The following RGSL1 variants were observed in gnomAD, a reference collection of about 807,000 sequenced individuals.
RGSL1 encodes the protein regulator of G protein signaling like 1.
A neutral mutation model predicts 124.7 loss-of-function variants in RGSL1; 97 were observed. The ratio of observed to expected loss-of-function variants is 0.78; its 90% CI spans 0.66 to 0.92. The LOEUF is 0.92. Among genes scored for constraint, RGSL1 ranks in the 40% least tolerant of loss-of-function variants. The probability of loss-of-function intolerance (pLI) is 0.00; values close to 1 mark genes in which losing one functional copy is unlikely to be tolerated. For synonymous variants in RGSL1, 424 were observed against 438.1 expected, an observed-to-expected ratio of 0.97 and a Z score of 0.40; for missense variants, 1,233 against 1,288.4, an observed-to-expected ratio of 0.96 and a Z score of 0.66.
chr1:182,551,141 G>T lies in RGSL1; in HGVS notation c.2975G>T (p.Arg992Met), dbSNP rs1412230922. The part of the protein sequence containing the change: ...WKATRSYLQY[R>M]GKKFKDRKSP... Reference sequence around the variant, plus strand: ...GCAACCCGCTCTTACTTACAGTATAGGGGGAAGAAGTTCAAGGACAGAAAA... The same window carrying T: ...GCAACCCGCTCTTACTTACAGTATATGGGGAAGAAGTTCAAGGACAGAAAA... Residue 992 changes from arginine (R) to methionine (M), a missense_variant, in exon 18 of 22, where the codon AGG (arginine) becomes ATG (methionine). Transcript: ENST00000294854. 8 of 1,551,612 alleles carry T rather than the reference G, an allele frequency of 5.2e-6. No individual in the cohort carries two copies. Among genetic ancestry groups the T allele is most frequent in the Non-Finnish European group, 7.0e-6 (8 of 1,147,002 alleles).
chr1:182,460,707 A>T (rs1416970967), intron 4 of RGSL1: 1 of 456,050 alleles, frequency 2.2e-6, no homozygotes, highest in Admixed American at 2.3e-5. Context: ...AAGCACTAGG[A>T]ATCTGTTTCC....
intron 9 of RGSL1, among the ~76,000 whole-genome samples, chr1:182,493,476 A>G (rs141045053): frequency 6.6e-6 from 1 of 152,292 alleles, no homozygotes; most frequent in African/African-American, 2.4e-5. Context: ...TTTGTTAAGG[A>G]GTGCTCTTGG....
At chr1:182,468,772 A>G (rs113144803) in intron 4 of RGSL1, among the ~76,000 whole-genome samples, 25 of 152,168 alleles carry the variant, frequency 1.6e-4, no homozygotes, top group African/African-American at 5.1e-4. Flanking sequence ...TAAAAATAAA[A>G]TAAAATAAAA....
chr1:182,512,491 G>T (rs1360545728), intron 9 of RGSL1, among the ~76,000 whole-genome samples: 1 of 152,208 alleles, frequency 6.6e-6, no homozygotes, highest in Non-Finnish European at 1.5e-5. Flanking sequence ...CCTTATGGGA[G>T]GAGGGGCACG....
intron 14 of RGSL1, among the ~76,000 whole-genome samples, chr1:182,535,857 A>G (rs553068344): frequency 2.6e-4 from 40 of 152,152 alleles, no homozygotes; most frequent in Non-Finnish European, 5.1e-4. Flanking sequence ...GATGAATGTA[A>G]GTATCTCTGC....
rs1203167943 is a variant in RGSL1 at position 182,530,839 on chromosome 1, G to A, written c.2293G>A (p.Val765Met). The A allele has an allele frequency of 6.5e-7, 1 of 1,550,248 alleles. No individual in the cohort carries two copies. The highest frequency in any genetic ancestry group is 2.0e-5 in the Admixed American group (1 of 50,836). The stretch of plus-strand genomic sequence containing the variant: ...CCCACCTCACCATCAGGAGGTGGAA[G>A]TGCAAAGTGAAGTACAAATTTCGTC... The part of the protein sequence containing the change: ...LFPPHHQEVE[V>M]QSEVQISSRK... The change falls in exon 13 of 22, where the codon GTG (valine) becomes ATG (methionine). Residue 765 changes from valine to methionine, a missense_variant. Val to Met is a conservative substitution (Grantham distance 21). Transcript: ENST00000294854.
chr1:182,516,955 G>GT (rs1232647082), intron 9 of RGSL1, among the ~76,000 whole-genome samples: 1 of 151,938 alleles, frequency 6.6e-6, no homozygotes, highest in Non-Finnish European at 1.5e-5. Context: ...ACCTTCAAAT[G>GT]TTTTTTCATT....
At chr1:182,491,490 C>T (rs138782545) in intron 8 of RGSL1, among the ~76,000 whole-genome samples, 428 of 152,264 alleles carry the variant, frequency 2.8e-3, no homozygotes, top group African/African-American at 9.8e-3. Context: ...GCTGGGATTA[C>T]AGGTGTGAGC....
intron 3 of RGSL1, among the ~76,000 whole-genome samples, chr1:182,459,536 G>A (rs1652633040): frequency 6.6e-6 from 1 of 152,166 alleles, no homozygotes; most frequent in African/African-American, 2.4e-5. Context: ...AATATATCCT[G>A]TATTCTAAAT....
rs1305323892 is a variant in RGSL1 at position 182,530,825 on chromosome 1, A to G, written c.2279A>G (p.His760Arg). The G allele has an allele frequency of 4.5e-6, 7 of 1,550,120 alleles. No individual in the cohort carries two copies. The highest frequency in any genetic ancestry group is 6.1e-6 in the Non-Finnish European group (7 of 1,146,132). Residue 760 changes from histidine to arginine, a missense_variant, in exon 13 of 22, where the codon CAT (histidine) becomes CGT (arginine). By Grantham distance (29) the His-to-Arg change is conservative (BLOSUM62 0). Transcript: ENST00000294854. ...KDYQDLFPPH[H>R]QEVEVQSEVQ... ...TATCAAGACCTGTTCCCACCTCACC[A>G]TCAGGAGGTGGAAGTGCAAAGTGAA...
At chr1:182,449,892 G>T (rs979982372), upstream of RGSL1, among the ~76,000 whole-genome samples, 3 of 152,148 alleles carry the variant, frequency 2.0e-5, no homozygotes, top group African/African-American at 7.2e-5. Flanking sequence ...GAGATCTTGG[G>T]CACAATTATA....
intron 15 of RGSL1, among the ~76,000 whole-genome samples, chr1:182,540,908 A>C (rs1659850537): frequency 6.6e-6 from 1 of 152,074 alleles, no homozygotes; most frequent in African/African-American, 2.4e-5. Context: ...CCACAATGGG[A>C]GGTCTGTAAA....
intron 4 of RGSL1, chr1:182,471,462 A>T (rs2102031323): frequency 2.3e-6 from 1 of 428,006 alleles, no homozygotes; most frequent in East Asian, 7.1e-5. Flanking sequence ...CCCAGTTAAC[A>T]ATTATGTGTG....
At chr1:182,540,483 A>G (rs1659826984) in intron 15 of RGSL1, 62 bp downstream of exon 15, 1 of 1,431,694 alleles carries the variant, frequency 7.0e-7, no homozygotes, top group Non-Finnish European at 9.4e-7. Flanking sequence ...AGGACTGCCC[A>G]GCAGAAACTG....
chr1:182,465,616 A>G (rs1375294254), intron 4 of RGSL1, among the ~76,000 whole-genome samples: 2 of 152,130 alleles, frequency 1.3e-5, no homozygotes, highest in Admixed American at 6.6e-5. Flanking sequence ...TATAATAATA[A>G]TAATAAAAAT....
intron 4 of RGSL1, among the ~76,000 whole-genome samples, chr1:182,472,004 A>G (rs191399914): frequency 6.6e-6 from 1 of 152,292 alleles, no homozygotes; most frequent in East Asian, 1.9e-4. Context: ...AGTCTTTGGC[A>G]TCTTTTGGCT....
At chr1:182,549,075 C>T (rs1039869040) in intron 17 of RGSL1, 3 of 385,142 alleles carry the variant, frequency 7.8e-6, no homozygotes, top group Non-Finnish European at 1.4e-5. Context: ...TCTTTCTATG[C>T]TTGCTTGGAG....
At chr1:182,465,682 C>G (rs1375838139) in intron 4 of RGSL1, among the ~76,000 whole-genome samples, 3 of 152,062 alleles carry the variant, frequency 2.0e-5, no homozygotes, top group Non-Finnish European at 4.4e-5. Flanking sequence ...AATCTCCTGA[C>G]AAAGAAAAGT....
intron 17 of RGSL1, chr1:182,549,938 G>A (rs938914225): frequency 5.9e-5 from 9 of 152,132 alleles, no homozygotes; most frequent in African/African-American, 2.2e-4. Context: ...GGAACCTCTG[G>A]GAAATATATG....
Sources: gnomAD v4.1 joint callset for allele counts (sites outside exome capture counted in the v4.1 genomes callset) on GRCh38, gnomAD v4.1.1 for gene constraint, MANE v1.5 for transcripts, NCBI Gene and HGNC (gene_info 2026-07-23, HGNC 2026-07-21) for gene names.